The following CPS1 variants were observed in gnomAD, a reference collection of about 807,000 sequenced individuals.
CPS1 encodes the protein carbamoyl-phosphate synthase [ammonia], mitochondrial.
In CPS1, 109 loss-of-function variants were observed where a neutral mutation model predicts 174.6. The observed-to-expected ratio is 0.62, with a 90% CI of 0.53 to 0.73. CPS1 has a LOEUF of 0.73. Ranked by LOEUF, CPS1 falls within the 30% of genes least tolerant of loss-of-function variation. The pLI is 0.00. For missense variants in CPS1, 1,689 were observed against 1,821.9 expected, an observed-to-expected ratio of 0.93 and a Z score of 1.33; for synonymous variants, 637 against 632.0, an observed-to-expected ratio of 1.01 and a Z score of -0.12.
In CPS1 at chr2:210,677,968, G is replaced by T; in HGVS notation, c.4486G>T (p.Ala1496Ser). 5 of 1,613,574 alleles carry T rather than the reference G, an allele frequency of 3.1e-6. No homozygotes were observed. Among genetic ancestry groups the T allele is most frequent in the Non-Finnish European group, 4.2e-6 (5 of 1,179,512 alleles). Residue 1496 changes from alanine (A) to serine (S), a missense_variant, in exon 38 of 38, where the codon GCT (alanine) becomes TCT (serine). Transcript: ENST00000233072. ...KSLFHYRQYSAGKAA is the reference protein window; with the variant it reads ...KSLFHYRQYSSGKAA ...TCTTTTCCACTACAGGCAGTACAGTGCTGGAAAAGCAGCATAGAGATGCAG... is the reference window on the plus strand; with the variant it reads ...TCTTTTCCACTACAGGCAGTACAGTTCTGGAAAAGCAGCATAGAGATGCAG...
intron 15 of CPS1, among the ~76,000 whole-genome samples, chr2:210,601,856 T>A (rs1452799292): frequency 6.6e-6 from 1 of 151,932 alleles, no homozygotes; most frequent in East Asian, 1.9e-4. Flanking sequence ...TTAAGCTGCA[T>A]GTAAAAATCG....
At chr2:210,613,340 T>C (rs887279741) in intron 20 of CPS1, among the ~76,000 whole-genome samples, 10 of 151,972 alleles carry the variant, frequency 6.6e-5, no homozygotes, top group African/African-American at 2.2e-4. Flanking sequence ...TTATGGTTTC[T>C]AAATGGAAAA....
intron 21 of CPS1, chr2:210,617,910 C>T (rs1002444817): frequency 6.6e-6 from 1 of 151,976 alleles, no homozygotes; most frequent in Non-Finnish European, 1.5e-5. Context: ...TATGAAACCA[C>T]TCCAATTAAG....
intron 28 of CPS1, among the ~76,000 whole-genome samples, chr2:210,650,672 GA>G (rs1490756638): frequency 2.0e-5 from 3 of 152,076 alleles, no homozygotes; most frequent in African/African-American, 7.2e-5. Context: ...AAGGTTGGTG[GA>G]AAAAGAGGAA....
intron 1 of CPS1, among the ~76,000 whole-genome samples, chr2:210,545,406 C>A (rs534360384): frequency 2.6e-5 from 4 of 151,924 alleles, no homozygotes; most frequent in African/African-American, 9.6e-5. Flanking sequence ...TTGGTATGAG[C>A]CTTTACATTT....
intron 1 of CPS1, among the ~76,000 whole-genome samples, chr2:210,507,692 G>T (rs1302112738): frequency 5.5e-5 from 8 of 146,466 alleles, no homozygotes; most frequent in African/African-American, 2.0e-4. Flanking sequence ...GATCTACCAA[G>T]CAAATGGAAA....
At chr2:210,638,267 T>TA (rs1700098604) in intron 22 of CPS1, among the ~76,000 whole-genome samples, 1 of 152,182 alleles carries the variant, frequency 6.6e-6, no homozygotes, top group Admixed American at 6.5e-5. Flanking sequence ...TACAGGGTAA[T>TA]ACTTTATATT....
Position 210,538,592 on chromosome 2 carries a change from A to G in CPS1, c.4-18127A>G, listed in dbSNP as rs773152679. 8.5e-4 allele frequency among the ~76,000 whole-genome samples: 129 copies of G among 152,228 alleles called. 3 individuals carry two copies. The highest frequency in any genetic ancestry group is 3.5e-3 in the South Asian group (17 of 4,826). On this transcript the variant is annotated intron_variant, in intron 1 of 38. Transcript: ENST00000430249. The stretch of plus-strand genomic sequence containing the variant: ...TGACATTGATCCCTATTTAATTACT[A>G]TTGCATAATTAAAAATCAGCCCTTT...
chr2:210,618,173 G>A (rs980322864), intron 21 of CPS1: 4 of 151,996 alleles, frequency 2.6e-5, no homozygotes, highest in Non-Finnish European at 5.9e-5. Context: ...CACTGTTACA[G>A]ATCATTTATA....
At chr2:210,596,703 T>C (rs1698493404) in intron 13 of CPS1, among the ~76,000 whole-genome samples, 1 of 152,016 alleles carries the variant, frequency 6.6e-6, no homozygotes, top group South Asian at 2.1e-4. Context: ...TCCAGTGGTT[T>C]AGATTAGTTA....
At chr2:210,598,061 T>C (rs960181694) in intron 13 of CPS1, among the ~76,000 whole-genome samples, 21 of 151,750 alleles carry the variant, frequency 1.4e-4, no homozygotes, top group Non-Finnish European at 7.4e-5. Context: ...ATGTTCTTCT[T>C]AGACAAATAA....
chr2:210,653,392 G>A (rs916843388), intron 28 of CPS1, among the ~76,000 whole-genome samples: 1 of 152,132 alleles, frequency 6.6e-6, no homozygotes, highest in African/African-American at 2.4e-5. Flanking sequence ...AAGATGAGAA[G>A]TGTCTGAAAC....
chr2:210,674,747 C>G lies in CPS1; in HGVS notation c.4102-155C>G. 1.6e-5 allele frequency: 11 copies of G among 687,546 alleles called. No homozygotes were observed. The South Asian group carries it at 1.8e-4, about 11-fold the overall frequency. 42.6% of individuals were successfully genotyped at this position (687,546 alleles called of 1,614,324 possible). On this transcript the variant is annotated intron_variant, in intron 34 of 37. Transcript: ENST00000233072. ...GGATATAGCTAAAACTCACACTCACCATAGAAGGATAAAAGGATAAAACTT... is the reference window on the plus strand; with the variant it reads ...GGATATAGCTAAAACTCACACTCACGATAGAAGGATAAAAGGATAAAACTT...
chr2:210,664,834 C>T (rs932026339), intron 33 of CPS1, among the ~76,000 whole-genome samples: 4 of 152,094 alleles, frequency 2.6e-5, no homozygotes, highest in Non-Finnish European at 5.9e-5. Flanking sequence ...ATTACGAGGT[C>T]TGTTTTATTA....
chr2:210,625,967 T>A (rs1437873713), intron 21 of CPS1, among the ~76,000 whole-genome samples: 1 of 152,116 alleles, frequency 6.6e-6, no homozygotes, highest in African/African-American at 2.4e-5. Context: ...TTGGGTGAAA[T>A]AGTTGACGCC....
intron 1 of CPS1, among the ~76,000 whole-genome samples, chr2:210,511,527 T>C (rs1385415442): frequency 8.1e-6 from 1 of 123,818 alleles, no homozygotes; most frequent in Non-Finnish European, 2.0e-5. Flanking sequence ...AAACTTAAAT[T>C]ATAATAATAA....
At chr2:210,603,960 A>G (rs1257788269) in intron 16 of CPS1, among the ~76,000 whole-genome samples, 2 of 151,968 alleles carry the variant, frequency 1.3e-5, no homozygotes, top group African/African-American at 4.8e-5. Flanking sequence ...GGTGAAGATA[A>G]TTTCAAATTT....
intron 21 of CPS1, among the ~76,000 whole-genome samples, chr2:210,620,468 A>G (rs1283167420): frequency 6.6e-6 from 1 of 152,088 alleles, no homozygotes; most frequent in East Asian, 1.9e-4. Flanking sequence ...CCATTCTTGC[A>G]TTGCTATGAA....
intron 22 of CPS1, 137 bp downstream of exon 22, chr2:210,637,980 C>A: frequency 1.1e-6 from 1 of 945,698 alleles, no homozygotes; most frequent in Non-Finnish European, 1.7e-6. Context: ...GGTTGATGCT[C>A]ATAATGTCAC....
Sources: allele counts gnomAD v4.1 joint callset (sites outside exome capture counted in the v4.1 genomes callset), GRCh38; gene constraint gnomAD v4.1.1; transcripts MANE v1.5; gene names NCBI Gene and HGNC (gene_info 2026-07-23, HGNC 2026-07-21).